Variants in AGBL1 observed in about 807,000 individuals in gnomAD.
AGBL1 encodes the protein AGBL carboxypeptidase 1.
A neutral mutation model predicts 118.9 loss-of-function variants in AGBL1; 130 were observed. The observed-to-expected ratio is 1.09, with a 90% CI of 0.95 to 1.26. The LOEUF is 1.26. AGBL1 is among the 50% of genes most tolerant of loss of function. The pLI is 0.00. For missense variants in AGBL1, 1,584 were observed against 1,298.1 expected, an observed-to-expected ratio of 1.22 and a Z score of -3.38; for synonymous variants, 555 against 478.9, an observed-to-expected ratio of 1.16 and a Z score of -2.08.
At chr15:86,633,683 C>T (rs980425568) in intron 21 of AGBL1, among the ~76,000 whole-genome samples, 2 of 151,286 alleles carry the variant, frequency 1.3e-5, no homozygotes, top group Non-Finnish European at 2.9e-5. Flanking sequence ...GAACTTCTGT[C>T]TTATATTTCA....
chr15:86,965,976 C>A (rs951633632), intron 23 of AGBL1, among the ~76,000 whole-genome samples: 5 of 151,972 alleles, frequency 3.3e-5, no homozygotes, highest in African/African-American at 1.2e-4. Context: ...ACGTTCTGCA[C>A]ATGTACCCTA....
At chr15:86,774,167 G>A (rs1347609985) in intron 22 of AGBL1, among the ~76,000 whole-genome samples, 1 of 152,006 alleles carries the variant, frequency 6.6e-6, no homozygotes, top group Non-Finnish European at 1.5e-5. Context: ...GAGAAGACCG[G>A]GAACCTGAGC....
chr15:86,289,782 C>T (rs1045316752), intron 16 of AGBL1, among the ~76,000 whole-genome samples: 3 of 152,176 alleles, frequency 2.0e-5, no homozygotes, highest in Admixed American at 2.0e-4. Context: ...ACCCTGCACC[C>T]AACCTGATGA....
chr15:86,222,103 T>C (rs1005344071), intron 5 of AGBL1, among the ~76,000 whole-genome samples: 1 of 152,114 alleles, frequency 6.6e-6, no homozygotes, highest in Non-Finnish European at 1.5e-5. Context: ...GTTGATGTCT[T>C]CCTGGGGCAG....
At chr15:86,654,018 A>G (rs1343850277) in intron 21 of AGBL1, among the ~76,000 whole-genome samples, 1 of 152,188 alleles carries the variant, frequency 6.6e-6, no homozygotes, top group African/African-American at 2.4e-5. Flanking sequence ...GTAACAGGAA[A>G]CCACAGTTAG....
downstream of AGBL1, among the ~76,000 whole-genome samples, chr15:86,918,021 G>C (rs569731179): frequency 1.1e-4 from 17 of 152,240 alleles, no homozygotes; most frequent in East Asian, 3.3e-3. Flanking sequence ...AGGTTCAGTT[G>C]TTCATTTTGG....
chr15:86,447,987 A>C (rs1000171497), intron 18 of AGBL1, among the ~76,000 whole-genome samples: 3 of 152,094 alleles, frequency 2.0e-5, no homozygotes, highest in African/African-American at 7.2e-5. Context: ...TCTACAAAAA[A>C]TACAAAAACT....
In AGBL1 at chr15:86,094,520, T is replaced by C. The variant is rs188314338; in HGVS notation, c.51+14497T>C. On this transcript the variant is annotated intron_variant, in intron 1 of 22. Coordinates refer to ENST00000614907, the MANE Select transcript of AGBL1 (RefSeq NM_001386094.1). Reference sequence around the variant, plus strand: ...TTGGGGGAGTGCCTGGATCTACATGTGGGATCATGAAGGAAGTAGGATTGG... The same window carrying C: ...TTGGGGGAGTGCCTGGATCTACATGCGGGATCATGAAGGAAGTAGGATTGG... 1.4e-3 allele frequency among the ~76,000 whole-genome samples: 208 copies of C among 152,164 alleles called. 1 individual carries two copies. The highest frequency in any genetic ancestry group is 1.5e-3 in the East Asian group (8 of 5,178).
At chr15:86,407,523 G>A (rs1257454285) in intron 18 of AGBL1, among the ~76,000 whole-genome samples, 1 of 152,056 alleles carries the variant, frequency 6.6e-6, no homozygotes, top group Non-Finnish European at 1.5e-5. Context: ...TTAAAATGTG[G>A]CCCTCCAGGT....
chr15:86,524,535 G>A (rs2083235591), intron 19 of AGBL1, among the ~76,000 whole-genome samples: 1 of 152,182 alleles, frequency 6.6e-6, no homozygotes, highest in Admixed American at 6.5e-5. Context: ...CTGGTGTCCA[G>A]GGTTTTTGTT....
chr15:86,528,283 T>C (rs973326422), intron 19 of AGBL1, among the ~76,000 whole-genome samples: 2 of 152,126 alleles, frequency 1.3e-5, no homozygotes, highest in Admixed American at 6.5e-5. Flanking sequence ...GGGCGAGGCA[T>C]TGCCTCACCT....
intron 21 of AGBL1, among the ~76,000 whole-genome samples, chr15:86,672,063 C>G (rs1197593468): frequency 6.6e-6 from 1 of 152,054 alleles, no homozygotes; most frequent in Admixed American, 6.5e-5. Flanking sequence ...CAGAGCAAGA[C>G]CCTTTTTCTA....
intron 17 of AGBL1, among the ~76,000 whole-genome samples, chr15:86,326,642 G>C (rs1017987234): frequency 6.6e-6 from 1 of 152,098 alleles, no homozygotes; most frequent in African/African-American, 2.4e-5. Context: ...GCAATAATTA[G>C]AGTATTCAGG....
intron 22 of AGBL1, among the ~76,000 whole-genome samples, chr15:86,749,344 T>G (rs1170333391): frequency 2.0e-5 from 3 of 152,138 alleles, no homozygotes; most frequent in African/African-American, 7.2e-5. Context: ...TGCTGGTGAG[T>G]TTTGCACATT....
At chr15:86,339,828 G>T (rs887529253) in intron 17 of AGBL1, among the ~76,000 whole-genome samples, 1 of 152,054 alleles carries the variant, frequency 6.6e-6, no homozygotes, top group African/African-American at 2.4e-5. Context: ...TTAGCTGGGC[G>T]TAGTGGCGCA....
At chr15:86,260,951 C>G (rs1597641251) in intron 9 of AGBL1, among the ~76,000 whole-genome samples, 1 of 152,192 alleles carries the variant, frequency 6.6e-6, no homozygotes, top group Non-Finnish European at 1.5e-5. Flanking sequence ...GTGCCTGGTT[C>G]TCAGAGACTA....
intron 16 of AGBL1, among the ~76,000 whole-genome samples, chr15:86,282,147 A>C (rs1437117561): frequency 1.3e-5 from 2 of 152,120 alleles, no homozygotes; most frequent in Non-Finnish European, 2.9e-5. Flanking sequence ...ACAGGGTCTA[A>C]AATTTGCAAT....
intron 22 of AGBL1, among the ~76,000 whole-genome samples, chr15:86,902,850 G>A (rs763004482): frequency 2.6e-5 from 4 of 152,078 alleles, no homozygotes; most frequent in Non-Finnish European, 5.9e-5. Flanking sequence ...TTTGTCTTTA[G>A]TTGAAGAAGA....
At chr15:86,423,578 G>A (rs1567250286) in intron 18 of AGBL1, among the ~76,000 whole-genome samples, 1 of 152,174 alleles carries the variant, frequency 6.6e-6, no homozygotes. Flanking sequence ...ATTCAGATAG[G>A]AAGAGAGGAA....
Sources: gnomAD v4.1 joint callset for allele counts (sites outside exome capture counted in the v4.1 genomes callset) on GRCh38, gnomAD v4.1.1 for gene constraint, MANE v1.5 for transcripts, NCBI Gene and HGNC (gene_info 2026-07-23, HGNC 2026-07-21) for gene names.